The following CTNND2 variants were observed in gnomAD, a reference collection of about 807,000 sequenced individuals.
CTNND2 encodes catenin delta-2.
In CTNND2, 22 loss-of-function variants were observed where a neutral mutation model predicts 144.4. The ratio of observed to expected loss-of-function variants is 0.15; its 90% confidence interval spans 0.11 to 0.22. The LOEUF (loss-of-function observed/expected upper bound fraction) is 0.22, where lower values mean the gene tolerates loss of function less well. Ranked by LOEUF, CTNND2 falls within the 10% of genes least tolerant of loss-of-function variation. The pLI, the probability that CTNND2 is intolerant of heterozygous loss-of-function variation, is 1.00. For synonymous variants in CTNND2, 751 were observed against 695.6 expected (o/e 1.08, Z -1.25); for missense variants, 1,353 against 1,618.8 (o/e 0.84, Z 2.82).
intron 7 of CTNND2, among the ~76,000 whole-genome samples, chr5:11,366,375 A>G (rs1240667430): frequency 6.6e-6 from 1 of 152,202 alleles, no homozygotes; most frequent in African/African-American, 2.4e-5. Context: ...TTCAGTGTTA[A>G]TAAAAACCAC....
intron 2 of CTNND2, among the ~76,000 whole-genome samples, chr5:11,711,383 T>TCA (rs1207807859): frequency 6.6e-6 from 1 of 152,164 alleles, no homozygotes; most frequent in African/African-American, 2.4e-5. Context: ...TAGCATTTTT[T>TCA]TATATATATT....
At position 11,666,555 on chromosome 5, in the gene CTNND2, G is replaced by C. The variant is rs532344261; in HGVS notation, c.174+65581C>G. On this transcript the variant is annotated intron_variant, in intron 2 of 21. Coordinates refer to ENST00000304623, the MANE Select transcript of CTNND2 (RefSeq NM_001332.4). ...AATATGTTTGGATAAAAGTAAAAGTGTGCTGTAATGCGATCATAAAATGGA... is the reference window on the plus strand; with the variant it reads ...AATATGTTTGGATAAAAGTAAAAGTCTGCTGTAATGCGATCATAAAATGGA... Among the ~76,000 whole-genome samples the C allele has an allele frequency of 4.6e-5, 7 of 152,254 alleles. No individual in the cohort carries two copies. The South Asian group carries it at 1.5e-3, about 32-fold the overall frequency.
chr5:11,860,854 G>A (rs1480288587), intron 1 of CTNND2, among the ~76,000 whole-genome samples: 1 of 150,752 alleles, frequency 6.6e-6, no homozygotes, highest in Non-Finnish European at 1.5e-5. Context: ...ATAGGGCATT[G>A]TACCAAGTCT....
At chr5:11,330,483 CAAA>C (rs10627159) in intron 9 of CTNND2, among the ~76,000 whole-genome samples, 4,818 of 42,898 alleles carry the variant, frequency 0.11, 127 homozygotes, top group South Asian at 0.25. Flanking sequence ...GACTCCGTCT[CAAA>C]AAAAAAAAAA....
intron 2 of CTNND2, among the ~76,000 whole-genome samples, chr5:11,594,605 G>A (rs1237189258): frequency 1.3e-5 from 2 of 152,176 alleles, no homozygotes; most frequent in Admixed American, 6.5e-5. Context: ...ACTATTTGCT[G>A]TGGTATCATT....
At chr5:11,154,314 G>A (rs1327928461) in intron 12 of CTNND2, among the ~76,000 whole-genome samples, 1 of 152,172 alleles carries the variant, frequency 6.6e-6, no homozygotes, top group Non-Finnish European at 1.5e-5. Flanking sequence ...TCCGTGTGTG[G>A]GGAGACCCTC....
intron 9 of CTNND2, among the ~76,000 whole-genome samples, chr5:11,325,547 G>A (rs1321670806): frequency 6.6e-6 from 1 of 152,090 alleles, no homozygotes; most frequent in East Asian, 1.9e-4. Flanking sequence ...ATCCATGAAT[G>A]AATGCTATTT....
chr5:11,294,690 A>G (rs972425072), intron 9 of CTNND2, among the ~76,000 whole-genome samples: 60 of 152,220 alleles, frequency 3.9e-4, no homozygotes, highest in African/African-American at 3.4e-4. Flanking sequence ...ACGCAAATCA[A>G]TAAACGTAAT....
chr5:11,782,628 G>A lies in CTNND2; in HGVS notation c.38-50356C>T, dbSNP rs139067476. ...AATAATGGTTACATTCCACTACGAC[G>A]AATCTATTTCAATCAGCATTCCAAA... is the stretch of plus-strand genomic sequence containing the variant. On this transcript the variant is annotated intron_variant, in intron 1 of 21. Transcript: ENST00000304623. Among the ~76,000 whole-genome samples, 925 of 152,226 alleles carry A rather than the reference G, an allele frequency of 6.1e-3. 2 individuals are homozygous for A. The highest frequency in any genetic ancestry group is 8.8e-3 in the Non-Finnish European group (596 of 68,002).
chr5:11,718,809 A>AT (rs1433690433), intron 2 of CTNND2, among the ~76,000 whole-genome samples: 1 of 152,078 alleles, frequency 6.6e-6, no homozygotes, highest in Non-Finnish European at 1.5e-5. Context: ...ATTTATTATT[A>AT]TTTTTTCTCT....
rs1238072218 is a variant in CTNND2 at position 10,996,545 on chromosome 5, C to G, written c.3085-3868G>C. ...CGGGGGGCTGTGTCCTCAGGGCCGACAGGAGATGAGCAGAAGAGGTTTGCG... is the reference window on the plus strand; with the variant it reads ...CGGGGGGCTGTGTCCTCAGGGCCGAGAGGAGATGAGCAGAAGAGGTTTGCG... On this transcript the variant is annotated intron_variant, in intron 18 of 21. Transcript: ENST00000304623. Among the ~76,000 whole-genome samples, 57 of 152,054 alleles carry G rather than the reference C, an allele frequency of 3.7e-4. 1 individual carries two copies. The highest frequency in any genetic ancestry group is 3.7e-3 in the Admixed American group (57 of 15,268).
At chr5:11,037,980 A>G (rs1015364923) in intron 16 of CTNND2, among the ~76,000 whole-genome samples, 1 of 152,134 alleles carries the variant, frequency 6.6e-6, no homozygotes, top group African/African-American at 2.4e-5. Flanking sequence ...AGGCCTTCAT[A>G]TTTACCTAGA....
At chr5:10,986,668 C>A (rs1016972155) in intron 20 of CTNND2, 1 of 456,082 alleles carries the variant, frequency 2.2e-6, no homozygotes, top group African/African-American at 2.0e-5. Context: ...TAGGTTCTCC[C>A]GTTCAGGAAA....
chr5:11,779,365 G>A (rs1356913167), intron 1 of CTNND2, among the ~76,000 whole-genome samples: 1 of 152,126 alleles, frequency 6.6e-6, no homozygotes, highest in Non-Finnish European at 1.5e-5. Flanking sequence ...CATTGGTTTA[G>A]TGCTATTTAC....
intron 2 of CTNND2, among the ~76,000 whole-genome samples, chr5:11,658,099 C>T (rs1007510137): frequency 4.6e-5 from 7 of 152,048 alleles, no homozygotes; most frequent in East Asian, 1.9e-4. Flanking sequence ...TAATCTATTA[C>T]ACAAGTATTT....
At chr5:11,520,731 A>G (rs952342718) in intron 3 of CTNND2, among the ~76,000 whole-genome samples, 2 of 152,128 alleles carry the variant, frequency 1.3e-5, no homozygotes, top group Non-Finnish European at 2.9e-5. Flanking sequence ...ATCACCTGTC[A>G]TGCCTCCTGC....
In CTNND2 at chr5:11,669,554, G is replaced by T. The variant is rs529265078; in HGVS notation, c.174+62582C>A. Reference sequence around the variant, plus strand: ...GATTTTCTAGTTTATTTGCGTACAGGTGTTTATAATACTATTCTCTGATGG... The same window carrying T: ...GATTTTCTAGTTTATTTGCGTACAGTTGTTTATAATACTATTCTCTGATGG... On this transcript the variant is annotated intron_variant, in intron 2 of 21. Coordinates refer to ENST00000304623, the MANE Select transcript of CTNND2 (RefSeq NM_001332.4). Among the ~76,000 whole-genome samples the T allele has an allele frequency of 2.4e-4, 37 of 152,290 alleles. No homozygotes were observed. In the South Asian group the frequency reaches 7.7e-3, roughly 32 times the overall value.
At chr5:11,863,355 T>C (rs1166432323) in intron 1 of CTNND2, among the ~76,000 whole-genome samples, 1 of 152,270 alleles carries the variant, frequency 6.6e-6, no homozygotes, top group East Asian at 1.9e-4. Flanking sequence ...TCAATGGGAA[T>C]AAATCAAATT....
intron 3 of CTNND2, among the ~76,000 whole-genome samples, chr5:11,541,911 C>G (rs1774791854): frequency 6.7e-6 from 1 of 150,210 alleles, no homozygotes; most frequent in African/African-American, 2.5e-5. Context: ...GCAACTTTAC[C>G]ACCACAGATA....
Sources: gnomAD v4.1 joint callset for allele counts (sites outside exome capture counted in the v4.1 genomes callset) on GRCh38, gnomAD v4.1.1 for gene constraint, MANE v1.5 for transcripts, NCBI Gene and HGNC (gene_info 2026-07-23, HGNC 2026-07-21) for gene names.